SLC35F3: variants seen among roughly 807,000 people sequenced by gnomAD.
The protein encoded by SLC35F3 is putative thiamine transporter SLC35F3.
A neutral mutation model predicts 49.9 loss-of-function variants in SLC35F3; 25 were observed. The ratio of observed to expected loss-of-function variants is 0.50; its 90% CI spans 0.37 to 0.70. The LOEUF (loss-of-function observed/expected upper bound fraction) is 0.70. Among genes scored for constraint, SLC35F3 ranks in the 30% least tolerant of loss-of-function variants. The probability of loss-of-function intolerance (pLI) is 0.00; values close to 1 mark genes in which losing one functional copy is unlikely to be tolerated. For synonymous variants in SLC35F3, 275 were observed against 265.4 expected (o/e 1.04, Z -0.35); for missense variants, 525 against 639.8 (o/e 0.82, Z 1.94).
chr1:234,164,390 C>T (rs1292215535), intron 2 of SLC35F3, among the ~76,000 whole-genome samples: 1 of 149,430 alleles, frequency 6.7e-6, no homozygotes, highest in Non-Finnish European at 1.5e-5. Context: ...CTTCTTTCCC[C>T]TCTCTCTCCC....
chr1:234,289,409 G>T (rs1450577982), intron 3 of SLC35F3, among the ~76,000 whole-genome samples: 1 of 152,204 alleles, frequency 6.6e-6, no homozygotes, highest in Non-Finnish European at 1.5e-5. Context: ...CATATCCTGG[G>T]GCTGGGTTAA....
At chr1:233,921,957 A>G (rs543482104) in intron 2 of SLC35F3, among the ~76,000 whole-genome samples, 19 of 152,142 alleles carry the variant, frequency 1.2e-4, no homozygotes, top group Non-Finnish European at 2.5e-4. Context: ...CCGTGTCCCT[A>G]CAAAGGACAT....
rs1251043867 is a variant in SLC35F3, at chr1:234,214,491, G to C, written c.284-16926G>C. The C allele has an allele frequency of 1.3e-6, 2 of 1,527,568 alleles. No homozygotes were observed. The highest frequency in any genetic ancestry group is 1.4e-5 in the African/African-American group (1 of 69,966). The allele number at this position is 1,527,568 out of a possible 1,614,324, so 94.6% of individuals were successfully genotyped here. A position where few individuals can be genotyped will look rare whatever the true frequency, so the allele number is the denominator to read the frequency against. On this transcript the variant is annotated intron_variant, in intron 2 of 7. Coordinates refer to ENST00000366618, the MANE Select transcript of SLC35F3 (RefSeq NM_173508.4). The surrounding 1 kb of genome is among the most constrained non-coding windows in gnomAD (Gnocchi z 8.0). Reference sequence around the variant, plus strand: ...GGCGGCAGCGCTCCTGCAGGCGGCCGGCTCATCATGAAGAAGCACTCGGCC... The same window carrying C: ...GGCGGCAGCGCTCCTGCAGGCGGCCCGCTCATCATGAAGAAGCACTCGGCC...
rs1387318457 is a variant in SLC35F3 at position 234,063,166 on chromosome 1, G to T, written c.283+157408G>T. Among the ~76,000 whole-genome samples the T allele has an allele frequency of 2.0e-5, 3 of 152,150 alleles. No individual in the cohort carries two copies. In the East Asian group the frequency reaches 5.8e-4, roughly 29 times the overall value. On this transcript the variant is annotated intron_variant, in intron 2 of 7. Transcript: ENST00000366618. ...GTTCCCGGACCAAATTGAGGGTTGGGCTGCTCTTTCTCATGGCCCAGTGAG... is the reference window on the plus strand; with the variant it reads ...GTTCCCGGACCAAATTGAGGGTTGGTCTGCTCTTTCTCATGGCCCAGTGAG...
chr1:233,904,977 A>C lies in SLC35F3; in HGVS notation c.-101A>C. ...GGCGCGGCGCAGACCCTCGGTGGGC[A>C]GCGCACTCCAGTCTTCCCAGGCTAG... On this transcript the variant is annotated 5_prime_UTR_variant, in exon 1 of 8. Coordinates refer to ENST00000366618, the MANE Select transcript of SLC35F3 (RefSeq NM_173508.4). The C allele has an allele frequency of 3.8e-6, 5 of 1,320,734 alleles. No homozygotes were observed. Among genetic ancestry groups the C allele is most frequent in the Non-Finnish European group, 4.2e-6 (4 of 956,242 alleles). The allele number at this position is 1,320,734 out of a possible 1,614,324, so 81.8% of individuals were successfully genotyped here. A position where few individuals can be genotyped will look rare whatever the true frequency, so the allele number is the denominator to read the frequency against.
At chr1:234,078,391 T>C (rs933731121) in intron 2 of SLC35F3, among the ~76,000 whole-genome samples, 13 of 151,778 alleles carry the variant, frequency 8.6e-5, no homozygotes, top group Non-Finnish European at 1.6e-4. Context: ...CTTCTGGGCA[T>C]GTTATTCCAC....
chr1:233,937,623 G>T (rs116793947), intron 2 of SLC35F3, among the ~76,000 whole-genome samples: 4,590 of 152,302 alleles, frequency 0.03, 103 homozygotes, highest in South Asian at 0.067. Flanking sequence ...AGACAAAGAA[G>T]AACCTTTGAA....
intron 2 of SLC35F3, among the ~76,000 whole-genome samples, chr1:234,204,583 G>A (rs1039941294): frequency 2.6e-5 from 4 of 152,152 alleles, no homozygotes; most frequent in Non-Finnish European, 5.9e-5. Context: ...TCTGTTAGAA[G>A]GTAGTTTAGG....
At chr1:234,283,780 C>T (rs1245893328) in intron 3 of SLC35F3, among the ~76,000 whole-genome samples, 1 of 152,182 alleles carries the variant, frequency 6.6e-6, no homozygotes, top group African/African-American at 2.4e-5. Flanking sequence ...AGTGCCAAGA[C>T]ATTACAGCAT....
intron 2 of SLC35F3, among the ~76,000 whole-genome samples, chr1:233,997,518 T>C (rs1005276879): frequency 6.6e-6 from 1 of 152,220 alleles, no homozygotes; most frequent in African/African-American, 2.4e-5. Context: ...CCTTTGCATA[T>C]ACCTGTTGGT....
chr1:234,076,517 A>G (rs1276829345), intron 2 of SLC35F3, among the ~76,000 whole-genome samples: 1 of 150,808 alleles, frequency 6.6e-6, no homozygotes, highest in Non-Finnish European at 1.5e-5. Context: ...GCTGGAGTGC[A>G]GTGGCACAAA....
At chr1:234,087,256 C>A (rs1026349066) in intron 2 of SLC35F3, among the ~76,000 whole-genome samples, 1 of 152,202 alleles carries the variant, frequency 6.6e-6, no homozygotes, top group Non-Finnish European at 1.5e-5. Context: ...ACCTTTAGAA[C>A]CTTCATAAGT....
chr1:233,950,869 C>G (rs1309397819), intron 2 of SLC35F3, among the ~76,000 whole-genome samples: 1 of 152,042 alleles, frequency 6.6e-6, no homozygotes, highest in Non-Finnish European at 1.5e-5. Context: ...CCTGCAATAT[C>G]CCTGCAATAT....
At chr1:233,983,936 A>G (rs1359175139) in intron 2 of SLC35F3, among the ~76,000 whole-genome samples, 1 of 152,212 alleles carries the variant, frequency 6.6e-6, no homozygotes, top group African/African-American at 2.4e-5. Context: ...CAACGTTCTA[A>G]TCAAGACTAT....
rs186812777 is a variant in SLC35F3, at chr1:234,152,409, G to A, written c.284-79008G>A. On this transcript the variant is annotated intron_variant, in intron 2 of 7. Coordinates refer to ENST00000366618, the MANE Select transcript of SLC35F3 (RefSeq NM_173508.4). ...AGCCTCCCATCCACTGACAGGCCCC[G>A]GTGTTCCCCTCCCTGTGTCCATGTG... is the stretch of plus-strand genomic sequence containing the variant. Among the ~76,000 whole-genome samples, 204 of 152,068 alleles carry A rather than the reference G, an allele frequency of 1.3e-3. 1 individual carries two copies. Among genetic ancestry groups the A allele is most frequent in the African/African-American group, 4.6e-3 (190 of 41,482 alleles).
chr1:234,079,440 A>G (rs1398286433), intron 2 of SLC35F3, among the ~76,000 whole-genome samples: 1 of 152,254 alleles, frequency 6.6e-6, no homozygotes, highest in African/African-American at 2.4e-5. Context: ...AGAAAAACAG[A>G]TACTTTGGAC....
intron 2 of SLC35F3, among the ~76,000 whole-genome samples, chr1:234,163,641 T>C (rs942301720): frequency 6.6e-6 from 1 of 152,240 alleles, no homozygotes; most frequent in Non-Finnish European, 1.5e-5. Flanking sequence ...TCCCTCTTGA[T>C]AGACTTCCAA....
At chr1:233,927,340 A>G (rs1662176183) in intron 2 of SLC35F3, among the ~76,000 whole-genome samples, 1 of 152,168 alleles carries the variant, frequency 6.6e-6, no homozygotes, top group Admixed American at 6.5e-5. Flanking sequence ...AACTCATTGA[A>G]TAATATTTAT....
intron 2 of SLC35F3, among the ~76,000 whole-genome samples, chr1:233,951,320 G>T (rs1662604802): frequency 6.6e-6 from 1 of 151,794 alleles, no homozygotes. Context: ...TGTTTATAAA[G>T]TCTCCAGTAG....
Sources: allele counts gnomAD v4.1 joint callset (sites outside exome capture counted in the v4.1 genomes callset), GRCh38; gene constraint gnomAD v4.1.1; non-coding constraint Gnocchi (gnomAD v3.1); transcripts MANE v1.5; gene names NCBI Gene and HGNC (gene_info 2026-07-23, HGNC 2026-07-21).